ATP7B: variants seen among roughly 807,000 people sequenced by gnomAD.
ATP7B encodes the protein copper-transporting ATPase 2.
ATP7B carries 113 observed loss-of-function variants against 118.9 expected under a neutral mutation model. The ratio of observed to expected loss-of-function variants is 0.95; its 90% CI spans 0.82 to 1.11. ATP7B has a LOEUF of 1.11. ATP7B is among the 50% of genes most tolerant of loss of function. ATP7B has a pLI of 0.00. For missense variants in ATP7B, 1,867 were observed against 1,871.4 expected, an observed-to-expected ratio of 1.00 and a Z score of 0.04; for synonymous variants, 777 against 727.4, an observed-to-expected ratio of 1.07 and a Z score of -1.10.
intron 5 of ATP7B, among the ~76,000 whole-genome samples, chr13:51,962,291 G>T (rs532396189): frequency 6.6e-6 from 1 of 152,324 alleles, no homozygotes; most frequent in African/African-American, 2.4e-5. Context: ...CAGAAGAGCT[G>T]GACTCAGAGC....
Position 51,974,709 on chromosome 13 carries a change from C to G in ATP7B, c.511G>C (p.Val171Leu). 1.9e-6 allele frequency: 3 copies of G among 1,613,672 alleles called. No homozygotes were observed. The highest frequency in any genetic ancestry group is 2.5e-6 in the Non-Finnish European group (3 of 1,179,578). Residue 171 changes from valine (V) to leucine (L), a missense_variant, in exon 2 of 21, where the codon GTA becomes CTA. Val to Leu is a conservative substitution (Grantham distance 32). Coordinates refer to ENST00000242839, the MANE Select transcript of ATP7B (RefSeq NM_000053.4). ...IEGKVRKLQG[V>L]VRVKVSLSNQ... is the part of the protein sequence containing the mutation. ...CTGAGTGAGACTTTGACTCTCACTA[C>G]TCCTTGCAGTTTCCGGACCTTGCCT...
chr13:51,971,498 A>G (rs1951839342), intron 2 of ATP7B, among the ~76,000 whole-genome samples: 1 of 152,198 alleles, frequency 6.6e-6, no homozygotes. Flanking sequence ...TTATTCTGTA[A>G]TATGTAAGTT....
chr13:51,940,165 A>G (rs1411249441), intron 16 of ATP7B, among the ~76,000 whole-genome samples: 4 of 150,166 alleles, frequency 2.7e-5, no homozygotes, highest in African/African-American at 9.7e-5. Context: ...GGCATGCGCC[A>G]CCACACCCCG....
intron 1 of ATP7B, among the ~76,000 whole-genome samples, chr13:51,988,080 C>A (rs1952744754): frequency 6.6e-6 from 1 of 152,096 alleles, no homozygotes; most frequent in African/African-American, 2.4e-5. Context: ...AACTAAAGAG[C>A]TTCTGCACAG....
At chr13:51,954,094 A>T (rs1429430282) in intron 9 of ATP7B, among the ~76,000 whole-genome samples, 1 of 152,226 alleles carries the variant, frequency 6.6e-6, no homozygotes, top group Non-Finnish European at 1.5e-5. Flanking sequence ...GGAATCAGGA[A>T]AGGCTTCTGG....
chr13:51,968,530 C>T lies in ATP7B; in HGVS notation c.1621G>A (p.Glu541Lys), dbSNP rs187046823. The T allele has an allele frequency of 9.7e-5, 156 of 1,614,160 alleles. No individual in the cohort carries two copies. The highest frequency in any genetic ancestry group is 1.7e-4 in the Admixed American group (10 of 60,032). Reference protein sequence around the residue: ...KYDPEVIQPLEIAQFIQDLGF... With the variant: ...KYDPEVIQPLKIAQFIQDLGF... ...AGGTCCTGGATGAACTGAGCTATCTCGAGGGGCTGGATGACCTCTGGGTCA... is the reference window on the plus strand; with the variant it reads ...AGGTCCTGGATGAACTGAGCTATCTTGAGGGGCTGGATGACCTCTGGGTCA... Residue 541 changes from glutamate (E) to lysine (K), a missense_variant, in exon 4 of 21, where the codon GAG becomes AAG. Glu to Lys is a moderately conservative substitution (Grantham distance 56). Transcript: ENST00000242839.
intron 1 of ATP7B, among the ~76,000 whole-genome samples, chr13:52,004,428 G>C (rs1953677320): frequency 6.6e-6 from 1 of 152,174 alleles, no homozygotes; most frequent in Non-Finnish European, 1.5e-5. Context: ...GAAGCAATTA[G>C]GCTGAGATGA....
chr13:51,945,409 G>A (rs1215420808), intron 13 of ATP7B, among the ~76,000 whole-genome samples: 1 of 152,140 alleles, frequency 6.6e-6, no homozygotes, highest in Non-Finnish European at 1.5e-5. Context: ...GCGGGGAGGG[G>A]AAGTTCCACC....
rs1956839069 is a variant in ATP7B at position 51,934,293 on chromosome 13, AGGTAAAC to A, written c.*456_*462del. On this transcript the variant is annotated 3_prime_UTR_variant, in exon 21 of 21. Transcript: ENST00000242839. The stretch of plus-strand genomic sequence containing the variant: ...AGGAAGAAAGCAACAGGCACACCTG[AGGTAAAC>A]TGTGGTCTCAGAAACATGATGCACA... 1 of 269,266 alleles carries A rather than the reference AGGTAAAC, an allele frequency of 3.7e-6. No individual in the cohort carries two copies. Among genetic ancestry groups the A allele is most frequent in the Non-Finnish European group, 7.4e-6 (1 of 135,044 alleles). The allele number at this position is 269,266 out of a possible 1,614,324, so 16.7% of individuals were successfully genotyped here. A position where few individuals can be genotyped will look rare whatever the true frequency, so the allele number is the denominator to read the frequency against.
intron 4 of ATP7B, among the ~76,000 whole-genome samples, chr13:51,968,056 T>C (rs1293485897): frequency 1.2e-4 from 19 of 152,212 alleles, no homozygotes. Context: ...TTCCCTCTTC[T>C]GCCTTGAGAT....
intron 2 of ATP7B, 128 bp from the exon 3 acceptor site, chr13:51,970,877 GCTCCAGTAACTACCTTGTCC>G: frequency 1.4e-6 from 1 of 735,682 alleles, no homozygotes; most frequent in South Asian, 1.6e-5. Context: ...CAGCCCCTGG[GCTCCAGTAACTACCTTGTCC>G]CTCAGCCATC....
rs753069338 is a variant in ATP7B at position 51,964,913 on chromosome 13, G to A, written c.1828C>T (p.Pro610Ser). 1 of 1,613,806 alleles carries A rather than the reference G, an allele frequency of 6.2e-7. No homozygotes were observed. Among genetic ancestry groups the A allele is most frequent in the Non-Finnish European group, 8.5e-7 (1 of 1,180,006 alleles). The change falls in exon 5 of 21, where the codon CCG becomes TCG. Residue 610 changes from proline to serine, a missense_variant. By Grantham distance (74) the Pro-to-Ser change is moderately conservative (BLOSUM62 -1). Transcript: ENST00000242839. The stretch of plus-strand genomic sequence containing the variant: ...ATATCCCGTGGACCGATAATTTCCG[G>A]GTCAAACTTAACAAGGGCTTTGCTG... ...ATSKALVKFD[P>S]EIIGPRDIIK...
chr13:51,957,439 T>G, intron 9 of ATP7B, 77 bp downstream of exon 9: 1 of 1,428,658 alleles, frequency 7.0e-7, no homozygotes, highest in South Asian at 1.2e-5. Context: ...GCAATGTCAA[T>G]ACAACATGGG....
chr13:51,974,968 T>C lies in ATP7B; in HGVS notation c.252A>G (p.Lys84=). 1 of 1,614,206 alleles carries C rather than the reference T, an allele frequency of 6.2e-7. No homozygotes were observed. Among genetic ancestry groups the C allele is most frequent in the Non-Finnish European group, 8.5e-7 (1 of 1,180,038 alleles). ...GGGAAACCTTCATGCTGATGATGCC[T>C]TTCAAATTGGAAATCCTGTCCTCAA... The part of the protein sequence containing the change: ...KSIEDRISNL[K]GIISMKVSLE... Residue 84 remains lysine, a synonymous_variant, in exon 2 of 21, where the codon AAA becomes AAG. Coordinates refer to ENST00000242839, the MANE Select transcript of ATP7B (RefSeq NM_000053.4).
At position 51,958,467 on chromosome 13, in the gene ATP7B, G is replaced by T. The variant is rs575138257; in HGVS notation, c.2199C>A (p.Ile733=). ...CATAAGCAATGCTTGTGGCCAGGAC[G>T]ATGAGCACGTCCATGTTGGCTGACC... ...RHRSANMDVL[I]VLATSIAYVY... The change falls in exon 8 of 21, where the codon ATC becomes ATA. Residue 733 remains isoleucine (I), a synonymous_variant. Transcript: ENST00000242839. 1 of 1,614,126 alleles carries T rather than the reference G, an allele frequency of 6.2e-7. No individual in the cohort carries two copies. The highest frequency in any genetic ancestry group is 1.7e-5 in the Admixed American group (1 of 60,008).
chr13:51,937,973 CT>C (rs1957072671), intron 17 of ATP7B, among the ~76,000 whole-genome samples: 2 of 152,204 alleles, frequency 1.3e-5, no homozygotes, highest in Non-Finnish European at 2.9e-5. Context: ...CCCCCATGGT[CT>C]TTCCAAAGCA....
chr13:51,996,388 A>G (rs1171962686), intron 1 of ATP7B, among the ~76,000 whole-genome samples: 1 of 152,112 alleles, frequency 6.6e-6, no homozygotes, highest in Admixed American at 6.5e-5. Context: ...CGCTGCCTCC[A>G]TTCCCACCCC....
At chr13:51,982,870 T>G (rs1952486499) in intron 1 of ATP7B, among the ~76,000 whole-genome samples, 1 of 152,170 alleles carries the variant, frequency 6.6e-6, no homozygotes, top group East Asian at 1.9e-4. Flanking sequence ...TGAGGAATGG[T>G]GCACTCTGGT....
Position 51,961,930 on chromosome 13 carries a change from GA to G in ATP7B, c.1870-18del. The G allele has an allele frequency of 6.2e-7, 1 of 1,603,030 alleles. No homozygotes were observed. Among genetic ancestry groups the G allele is most frequent in the African/African-American group, 1.3e-5 (1 of 74,752 alleles). ...GCCAATTTCCTTGTCATTAAAAAGAGAGGGGTGGGGAAAAAGGAGGAAGGTA... is the reference window on the plus strand; with the variant it reads ...GCCAATTTCCTTGTCATTAAAAAGAGGGGGTGGGGAAAAAGGAGGAAGGTA... On this transcript the variant is annotated intron_variant, in intron 5 of 20. Transcript: ENST00000242839.
Sources: gnomAD v4.1 joint callset for allele counts (sites outside exome capture counted in the v4.1 genomes callset) on GRCh38, gnomAD v4.1.1 for gene constraint, MANE v1.5 for transcripts, NCBI Gene and HGNC (gene_info 2026-07-23, HGNC 2026-07-21) for gene names.